The following EXOC6B variants were observed in gnomAD, a reference collection of about 807,000 sequenced individuals.
EXOC6B encodes the protein SEC15 homolog B.
A neutral mutation model predicts 113.5 loss-of-function variants in EXOC6B; 54 were observed. The observed-to-expected ratio is 0.48, with a 90% CI of 0.38 to 0.60. EXOC6B has a LOEUF of 0.60. Among genes scored for constraint, EXOC6B ranks in the 20% least tolerant of loss-of-function variants. The pLI is 0.00. For missense variants in EXOC6B, 797 were observed against 977.5 expected, an observed-to-expected ratio of 0.82 and a Z score of 2.46; for synonymous variants, 357 against 339.0, an observed-to-expected ratio of 1.05 and a Z score of -0.58.
chr2:72,291,204 G>A (rs1403735282), intron 20 of EXOC6B, among the ~76,000 whole-genome samples: 2 of 152,152 alleles, frequency 1.3e-5, no homozygotes, highest in African/African-American at 2.4e-5. Context: ...CAGGGTAAAC[G>A]TGCAAGTTTC....
chr2:72,498,338 A>G, intron 13 of EXOC6B, 116 bp downstream of exon 13: 2 of 636,798 alleles, frequency 3.1e-6, no homozygotes, highest in Non-Finnish European at 5.1e-6. Flanking sequence ...GTAGCTACAA[A>G]ATATAAGTAA....
chr2:72,759,611 G>GA (rs141597223), intron 1 of EXOC6B, among the ~76,000 whole-genome samples: 2,465 of 152,080 alleles, frequency 0.016, 92 homozygotes, highest in African/African-American at 0.057. Context: ...TTTCACAAAA[G>GA]AAAAAATCCA....
intron 6 of EXOC6B, among the ~76,000 whole-genome samples, chr2:72,698,682 A>G (rs1352488161): frequency 6.6e-6 from 1 of 152,196 alleles, no homozygotes; most frequent in Non-Finnish European, 1.5e-5. Flanking sequence ...ACCTTATCCA[A>G]TTTTACCACT....
rs181840877 is a variant in EXOC6B at position 72,299,098 on chromosome 2, C to T, written c.2196+35849G>A. ...GAGTGTTTTCCAGCTCGGTTCCATT[C>T]TCCCTGTCACTTACAGGTACACCAA... On this transcript the variant is annotated intron_variant, in intron 20 of 21. Coordinates refer to ENST00000272427, the MANE Select transcript of EXOC6B (RefSeq NM_015189.3). 4.0e-3 allele frequency among the ~76,000 whole-genome samples: 604 copies of T among 152,254 alleles called. 5 individuals carry two copies. Among genetic ancestry groups the T allele is most frequent in the Non-Finnish European group, 5.4e-3 (369 of 68,034 alleles).
At chr2:72,632,335 G>C (rs1191566621) in intron 6 of EXOC6B, among the ~76,000 whole-genome samples, 1 of 152,094 alleles carries the variant, frequency 6.6e-6, no homozygotes, top group African/African-American at 2.4e-5. Flanking sequence ...CTCTCTGAAA[G>C]AATCAGTAAA....
intron 1 of EXOC6B, among the ~76,000 whole-genome samples, chr2:72,787,560 T>A (rs959774299): frequency 6.6e-6 from 1 of 152,206 alleles, no homozygotes; most frequent in African/African-American, 2.4e-5. Context: ...AAGATAGCTT[T>A]AAGGAAAGTT....
At chr2:72,270,897 G>C (rs1684441074) in intron 20 of EXOC6B, among the ~76,000 whole-genome samples, 1 of 152,090 alleles carries the variant, frequency 6.6e-6, no homozygotes, top group Admixed American at 6.6e-5. Context: ...AATTTCTAAA[G>C]TAATCTAAAT....
intron 7 of EXOC6B, among the ~76,000 whole-genome samples, chr2:72,569,597 C>A (rs1253042621): frequency 6.6e-6 from 1 of 152,168 alleles, no homozygotes; most frequent in Non-Finnish European, 1.5e-5. Flanking sequence ...TGTAGGCCAA[C>A]AACCAGTATG....
At chr2:72,659,919 T>C (rs966655087) in intron 6 of EXOC6B, among the ~76,000 whole-genome samples, 13 of 152,246 alleles carry the variant, frequency 8.5e-5, no homozygotes, top group African/African-American at 2.6e-4. Context: ...TTTGTAATGT[T>C]AGACTCTTAA....
chr2:72,754,187 C>T (rs1018343136), intron 1 of EXOC6B, among the ~76,000 whole-genome samples: 3 of 152,074 alleles, frequency 2.0e-5, no homozygotes, highest in African/African-American at 4.8e-5. Flanking sequence ...ATGCCCAGCT[C>T]AGAAGCTGCT....
At chr2:72,398,320 T>C (rs983928855) in intron 18 of EXOC6B, among the ~76,000 whole-genome samples, 1 of 152,146 alleles carries the variant, frequency 6.6e-6, no homozygotes, top group Non-Finnish European at 1.5e-5. Context: ...GGTCAAACCA[T>C]AGGCTCTTCT....
intron 17 of EXOC6B, among the ~76,000 whole-genome samples, chr2:72,469,268 AT>A (rs1698251917): frequency 6.6e-6 from 1 of 151,686 alleles, no homozygotes; most frequent in African/African-American, 2.4e-5. Context: ...TTCTCTACTG[AT>A]TTTCTATACT....
At chr2:72,395,422 T>C (rs930279006) in intron 18 of EXOC6B, among the ~76,000 whole-genome samples, 1 of 152,180 alleles carries the variant, frequency 6.6e-6, no homozygotes, top group African/African-American at 2.4e-5. Flanking sequence ...GTTTCTTTTT[T>C]GCTTTTTTGA....
At chr2:72,468,427 T>A (rs1343959180) in intron 17 of EXOC6B, among the ~76,000 whole-genome samples, 1 of 152,210 alleles carries the variant, frequency 6.6e-6, no homozygotes, top group African/African-American at 2.4e-5. Flanking sequence ...CTTTTGTGTG[T>A]TCTTGGCATC....
intron 20 of EXOC6B, among the ~76,000 whole-genome samples, chr2:72,299,402 C>T (rs1172909923): frequency 6.6e-6 from 1 of 151,950 alleles, no homozygotes; most frequent in Non-Finnish European, 1.5e-5. Flanking sequence ...TAGGTAGCAT[C>T]TATTCTAGAT....
At chr2:72,694,281 A>T (rs1006673848) in intron 6 of EXOC6B, among the ~76,000 whole-genome samples, 3 of 152,040 alleles carry the variant, frequency 2.0e-5, no homozygotes, top group African/African-American at 7.2e-5. Context: ...ATCTCTACTA[A>T]AAATACTAAA....
At chr2:72,364,898 A>G (rs1047240772) in intron 19 of EXOC6B, among the ~76,000 whole-genome samples, 7 of 152,102 alleles carry the variant, frequency 4.6e-5, no homozygotes, top group African/African-American at 1.7e-4. Context: ...CCTTTTCTTT[A>G]TAAGAGAATG....
chr2:72,180,324 G>T (rs1678000705), intron 21 of EXOC6B, among the ~76,000 whole-genome samples: 1 of 152,200 alleles, frequency 6.6e-6, no homozygotes, highest in Non-Finnish European at 1.5e-5. Context: ...AGAAAGTCAA[G>T]ACTAGGCTGA....
chr2:72,671,793 AAGAAAGAAAGAAAG>A (rs1413805251), intron 6 of EXOC6B, among the ~76,000 whole-genome samples: 1 of 134,332 alleles, frequency 7.4e-6, no homozygotes, highest in African/African-American at 2.9e-5. Flanking sequence ...GAAAGAAAGA[AAGAAAGAAAGAAAG>A]AAAGAAAGAA....
Sources: allele counts gnomAD v4.1 joint callset (sites outside exome capture counted in the v4.1 genomes callset), GRCh38; gene constraint gnomAD v4.1.1; transcripts MANE v1.5; gene names NCBI Gene and HGNC (gene_info 2026-07-23, HGNC 2026-07-21).